ACBD6: variants seen among roughly 807,000 people sequenced by gnomAD.
ACBD6 encodes acyl-CoA binding domain containing 6, also known as acyl-CoA-binding domain-containing protein 6.
In ACBD6, 28 loss-of-function variants were observed where a neutral mutation model predicts 37.2. The observed-to-expected ratio is 0.75, with a 90% CI of 0.56 to 1.03. The LOEUF is 1.03. ACBD6 is among the 50% of genes least tolerant of loss of function. The pLI is 0.00. For synonymous variants in ACBD6, 113 were observed against 126.8 expected (o/e 0.89, Z 0.73); for missense variants, 340 against 337.4 (o/e 1.01, Z -0.06).
Position 180,426,473 on chromosome 1 carries a change from C to T in ACBD6, c.467+3707G>A, listed in dbSNP as rs139685040. Among the ~76,000 whole-genome samples, 1,078 of 152,260 alleles carry T rather than the reference C, an allele frequency of 7.1e-3. 9 individuals are homozygous for T. Among genetic ancestry groups the T allele is most frequent in the African/African-American group, 0.024 (1,006 of 41,546 alleles). ...CTTATTGACCAGTACTTTTTCTGCCCATCTGCGGTATAAATGAAAAACAGC... is the reference window on the plus strand; with the variant it reads ...CTTATTGACCAGTACTTTTTCTGCCTATCTGCGGTATAAATGAAAAACAGC... On this transcript the variant is annotated intron_variant, in intron 4 of 7. Transcript: ENST00000367595.
At chr1:180,271,635 G>T in exon 14 of ACBD6, 1 of 1,482,560 alleles carries the variant, frequency 6.7e-7, no homozygotes. Context: ...TGGGCTCAGG[G>T]CTTGACCCCA....
chr1:180,278,515 C>G (rs928746437), intron 9 of ACBD6: 1 of 152,100 alleles, frequency 6.6e-6, no homozygotes, highest in Non-Finnish European at 1.5e-5. Context: ...GGTAAGGAGA[C>G]AGCTGCAGGT....
chr1:180,282,277 A>G (rs1013514042), intron 8 of ACBD6, among the ~76,000 whole-genome samples: 1 of 152,180 alleles, frequency 6.6e-6, no homozygotes, highest in Non-Finnish European at 1.5e-5. Context: ...CTGGACCAGG[A>G]TCTCCTGTTG....
intron 7 of ACBD6, among the ~76,000 whole-genome samples, chr1:180,311,060 T>C (rs192763513): frequency 6.6e-6 from 1 of 152,306 alleles, no homozygotes; most frequent in Non-Finnish European, 1.5e-5. Flanking sequence ...AGAGATAGTG[T>C]TTCTTTCCAG....
chr1:180,455,704 T>C (rs890567453), intron 3 of ACBD6, among the ~76,000 whole-genome samples: 2 of 152,198 alleles, frequency 1.3e-5, no homozygotes, highest in South Asian at 4.1e-4. Flanking sequence ...CTAGAGCCAC[T>C]AGATTATGAT....
intron 3 of ACBD6, chr1:180,435,453 C>CTG (rs1648995975): frequency 4.2e-6 from 2 of 477,510 alleles, no homozygotes; most frequent in East Asian, 3.9e-5. Context: ...CGGGGTTTCA[C>CTG]CGTTAGCCAG....
In ACBD6 at chr1:180,349,165, T is replaced by C. The variant is rs368244098; in HGVS notation, c.664-34443A>G. Among the ~76,000 whole-genome samples, 108 of 152,124 alleles carry C rather than the reference T, an allele frequency of 7.1e-4. 3 individuals carry two copies. The South Asian group carries it at 0.021, about 30-fold the overall frequency. On this transcript the variant is annotated intron_variant, in intron 6 of 7. Coordinates refer to ENST00000367595, the MANE Select transcript of ACBD6 (RefSeq NM_032360.4). ...CAGCTTTTATTTACTTATAAAAAAA[T>C]AGAACGCTTCACGAACTTGCATGTC...
chr1:180,443,912 C>T (rs756366945), intron 3 of ACBD6, among the ~76,000 whole-genome samples: 1 of 151,830 alleles, frequency 6.6e-6, no homozygotes, highest in Non-Finnish European at 1.5e-5. Context: ...TGTGAGCCAT[C>T]GTGCCCGGCC....
chr1:180,361,498 A>T (rs527259951), intron 6 of ACBD6, among the ~76,000 whole-genome samples: 2 of 152,280 alleles, frequency 1.3e-5, no homozygotes, highest in East Asian at 3.9e-4. Context: ...AAATGTTTTA[A>T]AATGTATTAA....
chr1:180,381,711 G>C (rs1231421733), intron 6 of ACBD6, among the ~76,000 whole-genome samples: 1 of 152,140 alleles, frequency 6.6e-6, no homozygotes, highest in African/African-American at 2.4e-5. Context: ...ATGGGATACA[G>C]TAAAAACAGT....
At chr1:180,363,243 T>C (rs554511810) in intron 6 of ACBD6, among the ~76,000 whole-genome samples, 4 of 152,232 alleles carry the variant, frequency 2.6e-5, no homozygotes, top group African/African-American at 9.6e-5. Context: ...GTTGAAGTTT[T>C]TGTAATTAAA....
At chr1:180,309,571 T>C (rs1321582016) in intron 7 of ACBD6, among the ~76,000 whole-genome samples, 1 of 151,962 alleles carries the variant, frequency 6.6e-6, no homozygotes, top group Non-Finnish European at 1.5e-5. Context: ...AATAAGGGGA[T>C]GGAAATAAGA....
chr1:180,433,404 G>C (rs928996498), intron 3 of ACBD6, among the ~76,000 whole-genome samples: 4 of 152,060 alleles, frequency 2.6e-5, no homozygotes, highest in African/African-American at 9.7e-5. Flanking sequence ...CACAATAAAG[G>C]CTATATATGA....
At chr1:180,492,818 G>C (rs1393638698) in intron 2 of ACBD6, among the ~76,000 whole-genome samples, 1 of 152,098 alleles carries the variant, frequency 6.6e-6, no homozygotes, top group Non-Finnish European at 1.5e-5. Flanking sequence ...ATATTCCCAA[G>C]GAAAATGCAT....
chr1:180,271,240 C>G, exon 14 of ACBD6: 1 of 924,498 alleles, frequency 1.1e-6, no homozygotes, highest in Non-Finnish European at 1.8e-6. Context: ...GACCTCTCCA[C>G]TCTGATGTCC....
chr1:180,453,050 T>G (rs1649775464), intron 3 of ACBD6, among the ~76,000 whole-genome samples: 1 of 152,028 alleles, frequency 6.6e-6, no homozygotes. Context: ...GAGGTAAACC[T>G]CCCTAACTCA....
intron 3 of ACBD6, among the ~76,000 whole-genome samples, chr1:180,437,592 A>G (rs67830766): frequency 0.11 from 16,337 of 152,182 alleles, 1,293 homozygotes; most frequent in African/African-American, 0.21. Context: ...ACAGACAACA[A>G]GATTTTATAT....
chr1:180,307,000 A>C (rs2794972), intron 7 of ACBD6, among the ~76,000 whole-genome samples: 19,702 of 152,148 alleles, frequency 0.13, 2,118 homozygotes, highest in African/African-American at 0.3. Context: ...AGTCCCAATC[A>C]TGGGTATATA....
intron 6 of ACBD6, among the ~76,000 whole-genome samples, chr1:180,373,982 G>T (rs1653348251): frequency 6.6e-6 from 1 of 152,068 alleles, no homozygotes; most frequent in Non-Finnish European, 1.5e-5. Flanking sequence ...CCCAGGTAGT[G>T]ATTTCAATAT....
Sources: allele counts gnomAD v4.1 joint callset (sites outside exome capture counted in the v4.1 genomes callset), GRCh38; gene constraint gnomAD v4.1.1; transcripts MANE v1.5; gene names NCBI Gene and HGNC (gene_info 2026-07-23, HGNC 2026-07-21).